Variants in NRXN3 observed in about 807,000 individuals in gnomAD.
NRXN3 encodes the protein neurexin III.
NRXN3 carries 32 observed loss-of-function variants against 137.6 expected under a neutral mutation model. The ratio of observed to expected loss-of-function variants is 0.23; its 90% CI spans 0.18 to 0.31. The LOEUF (loss-of-function observed/expected upper bound fraction) is 0.31. NRXN3 is among the 10% of genes least tolerant of loss of function. The pLI, the probability that NRXN3 is intolerant of heterozygous loss-of-function variation, is 1.00. For synonymous variants in NRXN3, 798 were observed against 784.5 expected (o/e 1.02, Z -0.29); for missense variants, 1,574 against 2,062.5 (o/e 0.76, Z 4.59).
At chr14:79,333,312 G>C (rs555752463) in intron 15 of NRXN3, among the ~76,000 whole-genome samples, 1 of 152,146 alleles carries the variant, frequency 6.6e-6, no homozygotes, top group South Asian at 2.1e-4. Flanking sequence ...TGACTGCAAG[G>C]CTCCTGGTGT....
chr14:79,266,406 C>G (rs1332254129), intron 15 of NRXN3, among the ~76,000 whole-genome samples: 3 of 151,866 alleles, frequency 2.0e-5, no homozygotes, highest in Non-Finnish European at 4.4e-5. Flanking sequence ...TCTCTTCTTT[C>G]TCTTAAAGGT....
At chr14:78,540,336 G>C (rs988932568) in intron 4 of NRXN3, among the ~76,000 whole-genome samples, 3 of 151,780 alleles carry the variant, frequency 2.0e-5, no homozygotes, top group Non-Finnish European at 2.9e-5. Flanking sequence ...TCTTCTTGTT[G>C]AATTGATCCC....
intron 4 of NRXN3, among the ~76,000 whole-genome samples, chr14:78,308,094 T>G (rs540975934): frequency 4.3e-5 from 3 of 69,422 alleles, no homozygotes; most frequent in South Asian, 7.2e-4. Flanking sequence ...CATTTTCTTG[T>G]TTTTTTTTTA....
chr14:79,777,244 C>T (rs2099099855), intron 19 of NRXN3, among the ~76,000 whole-genome samples: 1 of 152,130 alleles, frequency 6.6e-6, no homozygotes, highest in Non-Finnish European at 1.5e-5. Context: ...AGCACATGTA[C>T]TGTAAGGCAG....
intron 16 of NRXN3, among the ~76,000 whole-genome samples, chr14:79,637,500 A>G (rs1353117075): frequency 1.3e-5 from 2 of 151,938 alleles, no homozygotes; most frequent in Admixed American, 6.6e-5. Context: ...CCAGCAGTGT[A>G]GGAAAGGGGG....
rs1039816832 is a variant in NRXN3 at position 78,324,506 on chromosome 14, GTC to G, written c.757+26648_757+26649del. ...TTAATTGCCAGTCATTGCCCTTTAA[GTC>G]TACCTTCATTCATTCTGAAGTATAA... On this transcript the variant is annotated intron_variant, in intron 4 of 20. Transcript: ENST00000335750. Among the ~76,000 whole-genome samples, 21 of 152,114 alleles carry G rather than the reference GTC, an allele frequency of 1.4e-4. 1 individual carries two copies. The highest frequency in any genetic ancestry group is 4.4e-5 in the Non-Finnish European group (3 of 68,046).
intron 4 of NRXN3, among the ~76,000 whole-genome samples, chr14:78,530,826 C>T (rs2096451571): frequency 6.6e-6 from 1 of 152,186 alleles, no homozygotes; most frequent in African/African-American, 2.4e-5. Flanking sequence ...TTGACTAATT[C>T]TCAGTGCCTG....
intron 16 of NRXN3, among the ~76,000 whole-genome samples, chr14:79,539,308 A>G (rs1047693098): frequency 1.3e-5 from 2 of 152,154 alleles, no homozygotes; most frequent in Non-Finnish European, 2.9e-5. Flanking sequence ...TGCTGGGACT[A>G]CAGGTGCCCC....
intron 15 of NRXN3, among the ~76,000 whole-genome samples, chr14:79,284,516 C>T (rs2081929025): frequency 6.6e-6 from 1 of 151,738 alleles, no homozygotes; most frequent in African/African-American, 2.4e-5. Context: ...TTTCCTGCCT[C>T]TGTAGACGAT....
At chr14:78,274,024 G>C (rs1291754929) in intron 2 of NRXN3, among the ~76,000 whole-genome samples, 1 of 152,230 alleles carries the variant, frequency 6.6e-6, no homozygotes, top group Non-Finnish European at 1.5e-5. Context: ...TCTTCCAGAG[G>C]CATGGGGGAG....
chr14:79,064,887 ACTTTC>A (rs1477461037), intron 15 of NRXN3, among the ~76,000 whole-genome samples: 1 of 150,332 alleles, frequency 6.7e-6, no homozygotes, highest in Non-Finnish European at 1.5e-5. Flanking sequence ...AATTTGGCAT[ACTTTC>A]CTTTAGTTCT....
chr14:79,303,564 G>A (rs1480204003), intron 15 of NRXN3, among the ~76,000 whole-genome samples: 2 of 152,012 alleles, frequency 1.3e-5, no homozygotes, highest in Non-Finnish European at 2.9e-5. Flanking sequence ...TAGACATCAT[G>A]TCAAAGACTG....
chr14:78,831,659 G>A (rs926250253), intron 10 of NRXN3, among the ~76,000 whole-genome samples: 1 of 151,440 alleles, frequency 6.6e-6, no homozygotes, highest in African/African-American at 2.4e-5. Context: ...GAAAAGTCCT[G>A]TGGGTTGGAA....
chr14:78,350,861 C>G (rs1413437865), intron 4 of NRXN3, among the ~76,000 whole-genome samples: 1 of 152,076 alleles, frequency 6.6e-6, no homozygotes, highest in Non-Finnish European at 1.5e-5. Context: ...CTTCTGAAAA[C>G]ATTAAAATAG....
chr14:79,743,524 C>T (rs1015704117), intron 19 of NRXN3, among the ~76,000 whole-genome samples: 1 of 152,168 alleles, frequency 6.6e-6, no homozygotes, highest in Non-Finnish European at 1.5e-5. Context: ...CCCCCCACCC[C>T]ACAACACTTT....
chr14:78,342,520 G>A (rs749551090), intron 4 of NRXN3, among the ~76,000 whole-genome samples: 5 of 152,140 alleles, frequency 3.3e-5, no homozygotes, highest in Admixed American at 2.0e-4. Context: ...TAAATTGTAT[G>A]TTTCACATTC....
At chr14:78,592,974 C>T (rs1046519322) in intron 4 of NRXN3, among the ~76,000 whole-genome samples, 1 of 152,188 alleles carries the variant, frequency 6.6e-6, no homozygotes, top group Non-Finnish European at 1.5e-5. Context: ...TCGTCGTCAT[C>T]GGCAGAGCGA....
chr14:79,784,945 G>T (rs1400577351), intron 19 of NRXN3, among the ~76,000 whole-genome samples: 2 of 152,096 alleles, frequency 1.3e-5, no homozygotes, highest in Non-Finnish European at 2.9e-5. Context: ...TCAGTTGCAA[G>T]ACAGAAAAAC....
rs551007098 is a variant in NRXN3, at chr14:79,359,229, GAAAT to G, written c.3263-107988_3263-107985del. Among the ~76,000 whole-genome samples the G allele has an allele frequency of 1.4e-4, 21 of 152,248 alleles. No individual in the cohort carries two copies. In the East Asian group the frequency reaches 4.1e-3, roughly 29 times the overall value. On this transcript the variant is annotated intron_variant, in intron 15 of 20. Coordinates refer to ENST00000335750, the MANE Select transcript of NRXN3 (RefSeq NM_001330195.2). ...CATTAAGTTCTGATTGCTTTATAAAGAAATAAAGTCTTTTCCCATTGTTCTGCTC... is the reference window on the plus strand; with the variant it reads ...CATTAAGTTCTGATTGCTTTATAAAGAAAGTCTTTTCCCATTGTTCTGCTC...
Sources: allele counts gnomAD v4.1 joint callset (sites outside exome capture counted in the v4.1 genomes callset), GRCh38; gene constraint gnomAD v4.1.1; transcripts MANE v1.5; gene names NCBI Gene and HGNC (gene_info 2026-07-23, HGNC 2026-07-21).